Variants in ADAM9 observed in about 807,000 individuals in gnomAD.
ADAM9 encodes disintegrin and metalloproteinase domain-containing protein 9.
A neutral mutation model predicts 108.1 loss-of-function variants in ADAM9; 54 were observed. That is an observed-to-expected ratio of 0.50 (90% CI 0.40 to 0.63). The LOEUF (loss-of-function observed/expected upper bound fraction) is 0.63. Among genes scored for constraint, ADAM9 ranks in the 20% least tolerant of loss-of-function variants. The pLI, the probability that ADAM9 is intolerant of heterozygous loss-of-function variation, is 0.00. For synonymous variants in ADAM9, 316 were observed against 336.0 expected (o/e 0.94, Z 0.65); for missense variants, 830 against 997.7 (o/e 0.83, Z 2.26).
At chr8:39,059,508 C>T (rs1436138426) in intron 14 of ADAM9, among the ~76,000 whole-genome samples, 3 of 152,196 alleles carry the variant, frequency 2.0e-5, no homozygotes, top group African/African-American at 7.2e-5. Flanking sequence ...TACGTGGTTC[C>T]TGAGCCCATG....
intron 18 of ADAM9, among the ~76,000 whole-genome samples, chr8:39,083,899 C>T (rs1839099521): frequency 6.6e-6 from 1 of 152,094 alleles, no homozygotes; most frequent in Non-Finnish European, 1.5e-5. Context: ...AAGAAACTGC[C>T]AAACTGTTTC....
At chr8:39,010,639 G>A (rs749645689) in intron 2 of ADAM9, among the ~76,000 whole-genome samples, 1 of 152,236 alleles carries the variant, frequency 6.6e-6, no homozygotes, top group Non-Finnish European at 1.5e-5. Context: ...AAGCACTTGT[G>A]GCTAATGACA....
In ADAM9 at chr8:39,103,846, C is replaced by A; in HGVS notation, c.*146C>A. The A allele has an allele frequency of 1.3e-6, 1 of 779,348 alleles. No individual in the cohort carries two copies. The highest frequency in any genetic ancestry group is 2.2e-6 in the Non-Finnish European group (1 of 453,154). The allele number at this position is 779,348 out of a possible 1,614,324, so 48.3% of individuals were successfully genotyped here. On this transcript the variant is annotated 3_prime_UTR_variant, in exon 22 of 22. Transcript: ENST00000487273. Reference sequence around the variant, plus strand: ...AACAGACTTCACTAACACAGAAAAACAGAAACTGAGTGTGAGAGTTGTGAA... The same window carrying A: ...AACAGACTTCACTAACACAGAAAAAAAGAAACTGAGTGTGAGAGTTGTGAA...
intron 15 of ADAM9, among the ~76,000 whole-genome samples, chr8:39,074,628 A>G (rs986703763): frequency 2.3e-4 from 35 of 152,174 alleles, no homozygotes; most frequent in African/African-American, 7.5e-4. Context: ...TAGTATTTCC[A>G]TAAGTGTCCT....
At position 39,101,844 on chromosome 8, in the gene ADAM9, A is replaced by ATTTT; in HGVS notation, c.2299-12_2299-9dup. On this transcript the variant is annotated intron_variant, in intron 20 of 21. Coordinates refer to ENST00000487273, the MANE Select transcript of ADAM9 (RefSeq NM_003816.3). ...ATGAGCACATAGTGGTAATAACCTT[A>ATTTT]TTTTTTTTTTCTTTTTAGCCTATAT... 6.8e-7 allele frequency: 1 copy of ATTTT among 1,478,308 alleles called. No individual in the cohort carries two copies. The highest frequency in any genetic ancestry group is 9.3e-7 in the Non-Finnish European group (1 of 1,073,140). 91.6% of individuals were successfully genotyped at this position (1,478,308 alleles called of 1,614,324 possible).
intron 1 of ADAM9, among the ~76,000 whole-genome samples, chr8:39,000,554 T>G (rs1835962886): frequency 6.6e-6 from 1 of 151,922 alleles, no homozygotes. Context: ...CTCGAATTCC[T>G]GGGCTGAAGC....
chr8:39,037,254 G>A (rs1336648467), intron 11 of ADAM9, among the ~76,000 whole-genome samples: 1 of 147,700 alleles, frequency 6.8e-6, no homozygotes, highest in Non-Finnish European at 1.5e-5. Context: ...GTAGAGACGG[G>A]GTTTCACCGT....
At chr8:39,075,354 T>C (rs1033642720) in intron 15 of ADAM9, among the ~76,000 whole-genome samples, 1 of 152,208 alleles carries the variant, frequency 6.6e-6, no homozygotes, top group African/African-American at 2.4e-5. Flanking sequence ...CTTGCTATTG[T>C]GGAGTTATGC....
chr8:39,003,098 ACT>A (rs1425710078), intron 1 of ADAM9, among the ~76,000 whole-genome samples: 1 of 152,116 alleles, frequency 6.6e-6, no homozygotes, highest in African/African-American at 2.4e-5. Flanking sequence ...CTGGTCTCAG[ACT>A]CTTGATAAAA....
chr8:39,046,229 A>G (rs2129437369), intron 12 of ADAM9, among the ~76,000 whole-genome samples: 1 of 152,188 alleles, frequency 6.6e-6, no homozygotes, highest in African/African-American at 2.4e-5. Flanking sequence ...TTTCAATGCT[A>G]TTGTAAATAG....
In ADAM9 at chr8:39,045,059, T is replaced by C. The variant is rs1177136451; in HGVS notation, c.1302+2942T>C. ...ATACATATGTATGTGTATGTGTGTG[T>C]GCATACATACATATGTGTGTGTGCA... On this transcript the variant is annotated intron_variant, in intron 12 of 21. Coordinates refer to ENST00000487273, the MANE Select transcript of ADAM9 (RefSeq NM_003816.3). 4.4e-4 allele frequency among the ~76,000 whole-genome samples: 15 copies of C among 34,406 alleles called. 1 individual carries two copies. Among genetic ancestry groups the C allele is most frequent in the African/African-American group, 2.4e-3 (15 of 6,354 alleles). The allele number at this position is 34,406 out of a possible 152,430, so 22.6% of individuals were successfully genotyped here. A position where few individuals can be genotyped will look rare whatever the true frequency, so the allele number is the denominator to read the frequency against.
intron 9 of ADAM9, among the ~76,000 whole-genome samples, chr8:39,025,079 C>T (rs946460046): frequency 7.1e-4 from 107 of 151,322 alleles, no homozygotes; most frequent in African/African-American, 2.5e-3. Flanking sequence ...GCACACAGGG[C>T]CCATCCTGAA....
chr8:39,102,034 T>C (rs903540628), intron 21 of ADAM9, 104 bp downstream of exon 21: 16 of 968,554 alleles, frequency 1.7e-5, no homozygotes, highest in Non-Finnish European at 2.5e-5. Context: ...AAGGTATTTA[T>C]TGTCAACAGT....
intron 16 of ADAM9, among the ~76,000 whole-genome samples, chr8:39,082,045 C>T (rs1839040505): frequency 1.3e-5 from 2 of 152,064 alleles, no homozygotes; most frequent in African/African-American, 4.8e-5. Flanking sequence ...CATATCTCAT[C>T]ATATGAACTA....
rs1564297212 is a variant in ADAM9 at position 39,045,096 on chromosome 8, GTGTGTGTGCATACATACATA to G, written c.1302+2988_1302+3007del. On this transcript the variant is annotated intron_variant, in intron 12 of 21. Coordinates refer to ENST00000487273, the MANE Select transcript of ADAM9 (RefSeq NM_003816.3). ...TATGTGTGTGTGCATACATACATATGTGTGTGTGCATACATACATATGTGTGTGTGCATACATACATATAT... is the reference window on the plus strand; with the variant it reads ...TATGTGTGTGTGCATACATACATATGTGTGTGTGTGCATACATACATATAT... 7.6e-3 allele frequency among the ~76,000 whole-genome samples: 118 copies of G among 15,464 alleles called. 21 individuals carry two copies. Among genetic ancestry groups the G allele is most frequent in the African/African-American group, 0.029 (94 of 3,234 alleles). The allele number at this position is 15,464 out of a possible 152,430, so 10.1% of individuals were successfully genotyped here. A position where few individuals can be genotyped will look rare whatever the true frequency, so the allele number is the denominator to read the frequency against.
At chr8:39,082,839 A>T in intron 17 of ADAM9, 118 bp downstream of exon 17, 7 of 1,363,416 alleles carry the variant, frequency 5.1e-6, no homozygotes, top group Non-Finnish European at 7.3e-6. Flanking sequence ...TTCCTGATAA[A>T]ATTTTCATTC....
chr8:39,013,870 C>A (rs764448169), intron 3 of ADAM9, 95 bp from the exon 4 acceptor site: 3 of 965,314 alleles, frequency 3.1e-6, no homozygotes, highest in Non-Finnish European at 1.7e-6. Flanking sequence ...CTTATTTACT[C>A]CTGCTTGTCT....
At chr8:39,001,192 A>C (rs1283479504) in intron 1 of ADAM9, among the ~76,000 whole-genome samples, 1 of 152,204 alleles carries the variant, frequency 6.6e-6, no homozygotes, top group Admixed American at 6.5e-5. Context: ...CAGTCTGTGG[A>C]TAGCAATACA....
chr8:38,997,010 G>C lies in ADAM9; in HGVS notation c.-54G>C, dbSNP rs1835831564. 1 of 1,584,672 alleles carries C rather than the reference G, an allele frequency of 6.3e-7. No homozygotes were observed. Reference sequence around the variant, plus strand: ...CCGGCAGGGTTGGAAAATGATGGAAGAGGCGGAGGTGGAGGCGACCGAGTG... The same window carrying C: ...CCGGCAGGGTTGGAAAATGATGGAACAGGCGGAGGTGGAGGCGACCGAGTG... On this transcript the variant is annotated 5_prime_UTR_variant, in exon 1 of 22. Coordinates refer to ENST00000487273, the MANE Select transcript of ADAM9 (RefSeq NM_003816.3).
Sources: gnomAD v4.1 joint callset for allele counts (sites outside exome capture counted in the v4.1 genomes callset) on GRCh38, gnomAD v4.1.1 for gene constraint, MANE v1.5 for transcripts, NCBI Gene and HGNC (gene_info 2026-07-23, HGNC 2026-07-21) for gene names.